Variants in GABRE observed in about 807,000 individuals in gnomAD.
GABRE encodes the protein gamma-aminobutyric acid receptor subunit epsilon.
A neutral mutation model predicts 31.0 loss-of-function variants in GABRE; 20 were observed. The ratio of observed to expected loss-of-function variants is 0.64; its 90% confidence interval spans 0.45 to 0.94. The LOEUF is 0.94. Ranked by LOEUF, GABRE falls within the 40% of genes least tolerant of loss-of-function variation. GABRE has a pLI of 0.00. For synonymous variants in GABRE, 155 were observed against 150.6 expected, an observed-to-expected ratio of 1.03 and a Z score of -0.21; for missense variants, 420 against 410.7, an observed-to-expected ratio of 1.02 and a Z score of -0.20.
At chrX:151,963,972 G>A (rs894747374) in intron 3 of GABRE, among the ~76,000 whole-genome samples, 4 of 111,870 alleles carry the variant, frequency 3.6e-5, no homozygotes, top group African/African-American at 1.3e-4. Context: ...TATAAACATG[G>A]AATTATGTCA....
rs1934409185 is a variant in GABRE, at chrX:151,962,413, C to T, written c.563+10G>A. 8.4e-7 allele frequency: 1 copy of T among 1,191,535 alleles called. No homozygotes were observed. Among genetic ancestry groups the T allele is most frequent in the East Asian group, 3.0e-5 (1 of 33,660 alleles). On this transcript the variant is annotated intron_variant, in intron 4 of 8. Transcript: ENST00000370328. The stretch of plus-strand genomic sequence containing the variant: ...ATTCCAGGAAGTGAGACTCCAGAGG[C>T]TTGACATACCTAATTGTGTACAACA...
chrX:151,954,912 G>A lies in GABRE; in HGVS notation c.1310C>T (p.Pro437Leu), dbSNP rs45439991. The A allele has an allele frequency of 0.044, 53,197 of 1,208,314 alleles. 966 individuals are homozygous for A. The highest frequency in any genetic ancestry group is 0.05 in the Non-Finnish European group (44,602 of 894,363). ...QPPSPGSPEGPRSLCSKLACC... is the reference protein window; with the variant it reads ...QPPSPGSPEGLRSLCSKLACC... ...GGCCAGCTTGGAGCAGAGGCTGCGG[G>A]GACCCTCAGGGCTACCTGGGCTAGG... Residue 437 changes from proline (P) to leucine (L), a missense_variant, in exon 9 of 9, where the codon CCC becomes CTC. By Grantham distance (98) the Pro-to-Leu change is moderately conservative. Transcript: ENST00000370328.
chrX:151,955,400 T>C lies in GABRE; in HGVS notation c.1105A>G (p.Thr369Ala), dbSNP rs749896675. Residue 369 changes from threonine (T) to alanine (A), a missense_variant, in exon 8 of 9, where the codon ACA (threonine) becomes GCA (alanine). By Grantham distance (58) the Thr-to-Ala change is moderately conservative. Transcript: ENST00000370328. ...AGTTTAGGAGAAGCATGGGCTTTTG[T>C]CTGGTTGTAGATCAGGAAGTTGAGC... ...AVLNFLIYNQ[T>A]KAHASPKLRH... The C allele has an allele frequency of 7.4e-6, 9 of 1,212,092 alleles. No homozygotes were observed. Among genetic ancestry groups the C allele is most frequent in the South Asian group, 1.8e-5 (1 of 57,029 alleles).
chrX:151,961,262 G>T (rs370637524), intron 5 of GABRE, 21 bp downstream of exon 5: 2 of 1,144,909 alleles, frequency 1.7e-6, no homozygotes, highest in Middle Eastern at 2.4e-4. Flanking sequence ...TGGGGCCCCA[G>T]AAACTTAAGA....
At chrX:151,974,459 G>C in intron 1 of GABRE, 111 bp downstream of exon 1, 1 of 509,707 alleles carries the variant, frequency 2.0e-6, no homozygotes, top group Non-Finnish European at 3.1e-6. Context: ...GGGGCAAAGC[G>C]GGCGCGGGGC....
chrX:151,967,171 A>T (rs1207815158), intron 3 of GABRE, among the ~76,000 whole-genome samples: 1 of 111,783 alleles, frequency 8.9e-6, no homozygotes, highest in Non-Finnish European at 1.9e-5. Context: ...TCTCCACTCC[A>T]CCTAAGGAAA....
intron 1 of GABRE, chrX:151,971,223 G>T: frequency 2.2e-6 from 1 of 460,253 alleles, no homozygotes; most frequent in Non-Finnish European, 3.4e-6. Flanking sequence ...TCACATTCGG[G>T]TCCTTGATTT....
At chrX:151,972,043 A>G in intron 1 of GABRE, 5 of 753,479 alleles carry the variant, frequency 6.6e-6, no homozygotes, top group Non-Finnish European at 7.8e-6. Flanking sequence ...CACTTCCAAA[A>G]GGATTTTTTT....
chrX:151,967,692 G>A (rs992192157), intron 3 of GABRE, among the ~76,000 whole-genome samples: 24 of 112,704 alleles, frequency 2.1e-4, no homozygotes, highest in Non-Finnish European at 4.1e-4. Context: ...GCAGCAAAAA[G>A]TAAATCTGAT....
intron 6 of GABRE, chrX:151,959,360 G>T: frequency 4.1e-6 from 1 of 243,762 alleles, no homozygotes; most frequent in South Asian, 4.2e-5. Flanking sequence ...CAGTGTAGCT[G>T]CTGTAACTTC....
chrX:151,961,497 ACT>A, intron 4 of GABRE, 132 bp from the exon 5 acceptor site: 1 of 458,026 alleles, frequency 2.2e-6, no homozygotes, highest in Non-Finnish European at 3.8e-6. Context: ...ACAGAGTCTC[ACT>A]CTGTCACCCA....
Position 151,961,294 on chromosome X carries a change from G to C in GABRE, c.635C>G (p.Ser212Cys). ...AAGAAGGTACTCACAGCTAGAGAAA[G>C]ATAGAGGGCAAGAGTGAGAATCCAT... Reference protein sequence around the residue: ...FPMDSHSCPLSFSSFSYPENE... With the variant: ...FPMDSHSCPLCFSSFSYPENE... Residue 212 changes from serine to cysteine, a missense_variant, in exon 5 of 9, where the codon TCT becomes TGT. Coordinates refer to ENST00000370328, the MANE Select transcript of GABRE (RefSeq NM_004961.4). 1 of 1,203,415 alleles carries C rather than the reference G, an allele frequency of 8.3e-7. No individual in the cohort carries two copies. The highest frequency in any genetic ancestry group is 1.1e-6 in the Non-Finnish European group (1 of 888,490).
At chrX:151,974,497 C>T (rs1934835307) in intron 1 of GABRE, 73 bp downstream of exon 1, 25 of 749,810 alleles carry the variant, frequency 3.3e-5, no homozygotes, top group East Asian at 4.2e-5. Flanking sequence ...GCTGGGGTCC[C>T]GGGAGCCGTC....
At chrX:151,970,518 T>C (rs1393221573) in intron 1 of GABRE, 116 bp from the exon 2 acceptor site, 3 of 833,905 alleles carry the variant, frequency 3.6e-6, no homozygotes, top group African/African-American at 2.1e-5. Flanking sequence ...CCTAGTTAAA[T>C]TGTGACTGGT....
At chrX:151,959,126 C>A in intron 6 of GABRE, 1 of 313,478 alleles carries the variant, frequency 3.2e-6, no homozygotes, top group South Asian at 2.8e-5. Flanking sequence ...CTGGGGAGGT[C>A]CCTTGGCTCC....
chrX:151,967,480 C>T (rs1934559560), intron 3 of GABRE, among the ~76,000 whole-genome samples: 1 of 112,012 alleles, frequency 8.9e-6, no homozygotes, highest in Non-Finnish European at 1.9e-5. Context: ...CCCACTCCTA[C>T]ACCAATGACC....
chrX:151,955,140 A>C, intron 8 of GABRE, 56 bp from the exon 9 acceptor site: 2 of 1,183,268 alleles, frequency 1.7e-6, no homozygotes, highest in Non-Finnish European at 1.1e-6. Flanking sequence ...ACCCAAGTCT[A>C]AGTGCTGCCT....
At position 151,974,570 on chromosome X, in the gene GABRE, C is replaced by T. The variant is rs774469957; in HGVS notation, c.56G>A (p.Arg19Lys). The change falls in exon 1 of 9, where the codon AGG (arginine) becomes AAG (lysine). Residue 19 changes from arginine to lysine, a missense_variant and splice_region_variant. By Grantham distance (26) the Arg-to-Lys change is conservative. Coordinates refer to ENST00000370328, the MANE Select transcript of GABRE (RefSeq NM_004961.4). ...CCCGGGTCCCGGGATGGAGACTCAC[C>T]TCGACTGGAGGATCAATAAGATGCC... ...LLGILLILQS[R>K]VEGPQTESKN... 8.5e-7 allele frequency: 1 copy of T among 1,171,047 alleles called. No homozygotes were observed. Among genetic ancestry groups the T allele is most frequent in the East Asian group, 3.3e-5 (1 of 30,331 alleles).
intron 6 of GABRE, chrX:151,958,334 C>T: frequency 4.3e-6 from 1 of 234,129 alleles, no homozygotes; most frequent in Admixed American, 6.3e-5. Flanking sequence ...CCACTGCATT[C>T]TGAACCCTTA....
Sources: allele counts gnomAD v4.1 joint callset (sites outside exome capture counted in the v4.1 genomes callset), GRCh38; gene constraint gnomAD v4.1.1; transcripts MANE v1.5; gene names NCBI Gene and HGNC (gene_info 2026-07-23, HGNC 2026-07-21).